Variants in CHN2 observed in about 807,000 individuals in gnomAD.
CHN2 encodes beta-chimaerin.
In CHN2, 35 loss-of-function variants were observed where a neutral mutation model predicts 56.3. That is an observed-to-expected ratio of 0.62 (90% CI 0.47 to 0.82). The LOEUF (loss-of-function observed/expected upper bound fraction) is 0.82. CHN2 is among the 40% of genes least tolerant of loss of function. CHN2 has a pLI of 0.00. For synonymous variants in CHN2, 210 were observed against 212.8 expected (o/e 0.99, Z 0.12); for missense variants, 491 against 580.5 (o/e 0.85, Z 1.58).
At chr7:29,188,801 G>A (rs534060071) in intron 2 of CHN2, among the ~76,000 whole-genome samples, 179 of 152,192 alleles carry the variant, frequency 1.2e-3, no homozygotes, top group Non-Finnish European at 1.9e-3. Context: ...AGTCGTCACC[G>A]GCATGGATAA....
intron 1 of CHN2, among the ~76,000 whole-genome samples, chr7:29,282,972 G>A (rs556246178): frequency 3.9e-5 from 6 of 152,304 alleles, no homozygotes; most frequent in African/African-American, 1.4e-4. Context: ...GGCCCGAGTG[G>A]TAGAGGAAGT....
intron 6 of CHN2, among the ~76,000 whole-genome samples, chr7:29,470,695 G>T (rs371611309): frequency 1.1e-4 from 16 of 152,238 alleles, no homozygotes; most frequent in African/African-American, 3.6e-4. Flanking sequence ...CAAGAAAGTA[G>T]TGGACAAGAA....
At chr7:29,501,336 T>C (rs1789947460) in intron 9 of CHN2, among the ~76,000 whole-genome samples, 2 of 152,134 alleles carry the variant, frequency 1.3e-5, no homozygotes, top group African/African-American at 4.8e-5. Context: ...GGTGAACATA[T>C]TAATCCAGTG....
intron 6 of CHN2, among the ~76,000 whole-genome samples, chr7:29,417,840 G>T (rs763928341): frequency 1.3e-5 from 2 of 152,168 alleles, no homozygotes; most frequent in African/African-American, 2.4e-5. Flanking sequence ...TGTAGATGGT[G>T]CCACGGAGAG....
chr7:29,312,492 A>C (rs1224910093), intron 1 of CHN2, among the ~76,000 whole-genome samples: 1 of 152,236 alleles, frequency 6.6e-6, no homozygotes, highest in Non-Finnish European at 1.5e-5. Context: ...TGGGGGCAGA[A>C]GAAGGGAAAA....
intron 2 of CHN2, chr7:29,184,538 T>G (rs1187492902): frequency 6.6e-6 from 1 of 152,118 alleles, no homozygotes; most frequent in Non-Finnish European, 1.5e-5. Flanking sequence ...AGCCAATGTT[T>G]CCGTTTGGAT....
chr7:29,311,735 GC>G (rs1475248855), intron 1 of CHN2, among the ~76,000 whole-genome samples: 3 of 152,206 alleles, frequency 2.0e-5, no homozygotes, highest in Non-Finnish European at 4.4e-5. Context: ...TTGGTGCCAA[GC>G]CCAGGGGCTG....
rs150094775 is a variant in CHN2, at chr7:29,476,963, C to T, written c.577-3316C>T. ...GGTAGAAATTTTCATTAGAAGAAGA[C>T]GGTCAGCAAATGTATTAAATGTCCC... On this transcript the variant is annotated intron_variant, in intron 6 of 12. Transcript: ENST00000222792. Among the ~76,000 whole-genome samples the T allele has an allele frequency of 3.7e-3, 556 of 152,196 alleles. 3 individuals are homozygous for T. The highest frequency in any genetic ancestry group is 0.013 in the African/African-American group (527 of 41,524).
intron 6 of CHN2, among the ~76,000 whole-genome samples, chr7:29,470,689 A>G (rs899542909): frequency 1.3e-5 from 2 of 152,202 alleles, no homozygotes; most frequent in African/African-American, 4.8e-5. Flanking sequence ...TTTGGACAAG[A>G]AAGTAGTGGA....
exon 2 of CHN2, chr7:29,146,916 G>A: frequency 6.4e-7 from 1 of 1,551,188 alleles, no homozygotes; most frequent in Non-Finnish European, 8.7e-7. Flanking sequence ...TGTTTAAAAA[G>A]GCAACACACG....
At chr7:29,502,870 G>C (rs1295876828) in intron 9 of CHN2, among the ~76,000 whole-genome samples, 1 of 151,984 alleles carries the variant, frequency 6.6e-6, no homozygotes, top group East Asian at 1.9e-4. Flanking sequence ...GTATGCATTA[G>C]GTATTTGTCC....
At chr7:29,411,065 C>T (rs551287414) in intron 6 of CHN2, among the ~76,000 whole-genome samples, 1 of 152,260 alleles carries the variant, frequency 6.6e-6, no homozygotes, top group East Asian at 1.9e-4. Context: ...TCTCCAAACA[C>T]CTGTGTATCA....
intron 7 of CHN2, among the ~76,000 whole-genome samples, chr7:29,487,373 AT>A (rs1485420320): frequency 6.6e-6 from 1 of 152,314 alleles, no homozygotes; most frequent in East Asian, 1.9e-4. Flanking sequence ...AGGTTTGGAA[AT>A]ATATGGCTTT....
At chr7:29,210,257 TGTAA>T (rs1335884110) in intron 1 of CHN2, among the ~76,000 whole-genome samples, 1 of 152,192 alleles carries the variant, frequency 6.6e-6, no homozygotes, top group Non-Finnish European at 1.5e-5. Flanking sequence ...GCACCCAGCC[TGTAA>T]GACATGAGGA....
intron 6 of CHN2, among the ~76,000 whole-genome samples, chr7:29,468,744 C>T (rs1350388428): frequency 6.6e-6 from 1 of 152,152 alleles, no homozygotes; most frequent in Non-Finnish European, 1.5e-5. Context: ...CACTTACTTT[C>T]ATATTGCTAA....
At chr7:29,374,432 G>T (rs1461731146) in intron 3 of CHN2, among the ~76,000 whole-genome samples, 2 of 151,854 alleles carry the variant, frequency 1.3e-5, no homozygotes, top group East Asian at 3.9e-4. Flanking sequence ...TTATTGACAA[G>T]TACTGTGATC....
At chr7:29,234,560 G>C (rs1022607200) in intron 1 of CHN2, among the ~76,000 whole-genome samples, 2 of 152,212 alleles carry the variant, frequency 1.3e-5, no homozygotes, top group Non-Finnish European at 2.9e-5. Context: ...GAACTTTCTG[G>C]ACAGAGCGAT....
At chr7:29,160,011 A>G (rs543812132) in intron 2 of CHN2, among the ~76,000 whole-genome samples, 37 of 152,308 alleles carry the variant, frequency 2.4e-4, no homozygotes, top group African/African-American at 8.7e-4. Context: ...TGCCCTGTCC[A>G]TCAGCACACA....
intron 1 of CHN2, chr7:29,332,867 A>T (rs1585082409): frequency 6.6e-6 from 1 of 151,816 alleles, no homozygotes; most frequent in Non-Finnish European, 1.5e-5. Context: ...GGTTATGTGG[A>T]CATAACCCCA....
Sources: allele counts gnomAD v4.1 joint callset (sites outside exome capture counted in the v4.1 genomes callset), GRCh38; gene constraint gnomAD v4.1.1; transcripts MANE v1.5; gene names NCBI Gene and HGNC (gene_info 2026-07-23, HGNC 2026-07-21).